Variants in FHIT observed in about 807,000 individuals in gnomAD.
FHIT encodes fragile histidine triad diadenosine triphosphatase, also known as bis(5'-adenosyl)-triphosphatase.
In FHIT, 19 loss-of-function variants were observed where a neutral mutation model predicts 17.9. The observed-to-expected ratio is 1.06, with a 90% CI of 0.74 to 1.56. The LOEUF (loss-of-function observed/expected upper bound fraction) is 1.56. Among genes scored for constraint, FHIT ranks in the 40% most tolerant of loss-of-function variants. The probability of loss-of-function intolerance (pLI) is 0.00; values close to 1 mark genes in which losing one functional copy is unlikely to be tolerated. For missense variants in FHIT, 248 were observed against 189.2 expected (o/e 1.31, Z -1.82); for synonymous variants, 81 against 69.7 (o/e 1.16, Z -0.81).
chr3:59,841,903 A>G (rs888787001), intron 8 of FHIT, among the ~76,000 whole-genome samples: 1 of 152,192 alleles, frequency 6.6e-6, no homozygotes, highest in Non-Finnish European at 1.5e-5. Flanking sequence ...GTGGTAGAAT[A>G]CACATAATCT....
chr3:60,942,146 C>A (rs1238772044), intron 3 of FHIT, among the ~76,000 whole-genome samples: 1 of 152,096 alleles, frequency 6.6e-6, no homozygotes, highest in African/African-American at 2.4e-5. Context: ...CCATGCCTGG[C>A]TAATTTTTGT....
chr3:60,033,826 G>C (rs1701100828), intron 5 of FHIT, among the ~76,000 whole-genome samples: 1 of 152,158 alleles, frequency 6.6e-6, no homozygotes, highest in Admixed American at 6.5e-5. Context: ...CCAACACATA[G>C]TAAACATTCA....
At chr3:60,429,682 A>G (rs529353818) in intron 5 of FHIT, among the ~76,000 whole-genome samples, 1 of 152,178 alleles carries the variant, frequency 6.6e-6, no homozygotes, top group Non-Finnish European at 1.5e-5. Flanking sequence ...TGTGGTTGGG[A>G]TGAGGATGGA....
intron 5 of FHIT, among the ~76,000 whole-genome samples, chr3:60,266,482 T>C (rs1321866927): frequency 2.6e-5 from 4 of 152,128 alleles, no homozygotes; most frequent in Non-Finnish European, 4.4e-5. Context: ...ACTATGGTGA[T>C]AGTTGCACAA....
At position 60,313,764 on chromosome 3, in the gene FHIT, G is replaced by C. The variant is rs554687221; in HGVS notation, c.103+223096C>G. Among the ~76,000 whole-genome samples the C allele has an allele frequency of 1.9e-3, 293 of 152,224 alleles. 1 individual carries two copies. The highest frequency in any genetic ancestry group is 3.1e-3 in the Non-Finnish European group (212 of 68,014). ...ATTAATTAAAAAAGAAAATCTGAGA[G>C]GATGAGGTTAGATCTTTCTAATCTT... On this transcript the variant is annotated intron_variant, in intron 5 of 9. Transcript: ENST00000492590.
intron 5 of FHIT, among the ~76,000 whole-genome samples, chr3:60,328,589 C>T (rs1370395877): frequency 6.6e-6 from 1 of 152,192 alleles, no homozygotes; most frequent in African/African-American, 2.4e-5. Context: ...CCTCTCACTA[C>T]ACCTGGGGAT....
intron 5 of FHIT, among the ~76,000 whole-genome samples, chr3:60,261,699 T>C (rs141607457): frequency 1.3e-5 from 2 of 152,094 alleles, no homozygotes; most frequent in Non-Finnish European, 2.9e-5. Flanking sequence ...ACTGATGACG[T>C]TCAGGACACC....
intron 7 of FHIT, among the ~76,000 whole-genome samples, chr3:59,976,554 G>C (rs1340584819): frequency 1.3e-5 from 2 of 151,826 alleles, no homozygotes; most frequent in East Asian, 3.9e-4. Context: ...AATGAAGAAA[G>C]AGAAAAAGAA....
intron 7 of FHIT, among the ~76,000 whole-genome samples, chr3:59,950,208 T>C (rs1707044389): frequency 6.6e-6 from 1 of 152,194 alleles, no homozygotes; most frequent in Admixed American, 6.5e-5. Flanking sequence ...AAGTAAAGCA[T>C]AATATAAAAT....
chr3:60,699,944 A>G (rs1553701662), intron 4 of FHIT, among the ~76,000 whole-genome samples: 1 of 152,034 alleles, frequency 6.6e-6, no homozygotes, highest in African/African-American at 2.4e-5. Context: ...ATGGAGTTCA[A>G]GACCAGCCTG....
intron 5 of FHIT, among the ~76,000 whole-genome samples, chr3:60,099,383 C>G: frequency 6.6e-6 from 1 of 152,108 alleles, no homozygotes; most frequent in Non-Finnish European, 1.5e-5. Flanking sequence ...TCATAATTAC[C>G]TAAGAGGGAG....
chr3:61,037,172 A>G (rs537081865), intron 3 of FHIT, among the ~76,000 whole-genome samples: 10 of 152,222 alleles, frequency 6.6e-5, no homozygotes, highest in Admixed American at 3.3e-4. Flanking sequence ...CGGTCTCCCA[A>G]AGTGCTCGGA....
At chr3:61,058,785 A>G (rs556383767) in intron 2 of FHIT, among the ~76,000 whole-genome samples, 5 of 152,236 alleles carry the variant, frequency 3.3e-5, no homozygotes, top group Non-Finnish European at 7.3e-5. Context: ...GGGTCTACAG[A>G]AAGAGCATAA....
chr3:60,463,492 C>A (rs915595744), intron 5 of FHIT, among the ~76,000 whole-genome samples: 1 of 152,160 alleles, frequency 6.6e-6, no homozygotes, highest in Non-Finnish European at 1.5e-5. Flanking sequence ...TTGATAGTGA[C>A]TAAATATACA....
chr3:61,070,391 G>A (rs897803887), intron 2 of FHIT, among the ~76,000 whole-genome samples: 2 of 152,176 alleles, frequency 1.3e-5, no homozygotes, highest in South Asian at 2.1e-4. Flanking sequence ...GATGTTCAAC[G>A]TACTGTGTCT....
intron 3 of FHIT, among the ~76,000 whole-genome samples, chr3:60,881,812 CTT>C (rs1380019248): frequency 6.6e-6 from 1 of 151,802 alleles, no homozygotes; most frequent in Non-Finnish European, 1.5e-5. Context: ...AGTAGAAAGA[CTT>C]TAAATAAATA....
chr3:60,955,607 T>TATATATATATATATATATATATAC (rs1709086818), intron 3 of FHIT, among the ~76,000 whole-genome samples: 3 of 11,548 alleles, frequency 2.6e-4, no homozygotes, highest in Admixed American at 1.3e-3. Context: ...CATATATATA[T>TATATATATATATATATATATATAC]ATATATATAT....
intron 5 of FHIT, among the ~76,000 whole-genome samples, chr3:60,068,310 T>C (rs1354696871): frequency 6.6e-6 from 1 of 152,216 alleles, no homozygotes; most frequent in Admixed American, 6.5e-5. Context: ...CTGAAAATGT[T>C]TGCTTTCCCA....
intron 3 of FHIT, among the ~76,000 whole-genome samples, chr3:60,868,217 G>C (rs1277646186): frequency 6.6e-6 from 1 of 151,996 alleles, no homozygotes; most frequent in African/African-American, 2.4e-5. Flanking sequence ...CTTTTTCTTT[G>C]AGATTGCAAG....
Sources: gnomAD v4.1 joint callset for allele counts (sites outside exome capture counted in the v4.1 genomes callset) on GRCh38, gnomAD v4.1.1 for gene constraint, MANE v1.5 for transcripts, NCBI Gene and HGNC (gene_info 2026-07-23, HGNC 2026-07-21) for gene names.